TNRC6A: variants seen among roughly 807,000 people sequenced by gnomAD.
TNRC6A encodes the protein trinucleotide repeat containing adaptor 6A, also known as trinucleotide repeat-containing gene 6A protein.
A neutral mutation model predicts 221.2 loss-of-function variants in TNRC6A; 44 were observed. The observed-to-expected ratio is 0.20, with a 90% confidence interval of 0.16 to 0.26. The LOEUF (loss-of-function observed/expected upper bound fraction) is 0.26. Among genes scored for constraint, TNRC6A ranks in the 10% least tolerant of loss-of-function variants. The pLI, the probability that TNRC6A is intolerant of heterozygous loss-of-function variation, is 1.00. For synonymous variants in TNRC6A, 847 were observed against 838.5 expected, an observed-to-expected ratio of 1.01 and a Z score of -0.18; for missense variants, 2,199 against 2,404.4, an observed-to-expected ratio of 0.91 and a Z score of 1.79.
At chr16:24,744,827 C>T (rs200532) in intron 2 of TNRC6A, among the ~76,000 whole-genome samples, 102,164 of 151,850 alleles carry the variant, frequency 0.67, 34,731 homozygotes, top group Non-Finnish European at 0.72. Context: ...TATATGTACA[C>T]GTCTCCAGAA....
At chr16:24,639,245 G>A (rs1027110514) in intron 1 of TNRC6A, among the ~76,000 whole-genome samples, 16 of 152,168 alleles carry the variant, frequency 1.1e-4, no homozygotes, top group African/African-American at 3.9e-4. Flanking sequence ...AAAACTTTAG[G>A]AGGCCGAGGC....
At chr16:24,726,444 T>C (rs1485161516), upstream of TNRC6A, among the ~76,000 whole-genome samples, 1 of 151,716 alleles carries the variant, frequency 6.6e-6, no homozygotes, top group African/African-American at 2.4e-5. Context: ...AGAGATTCTC[T>C]TAAGAAGGAG....
At chr16:24,668,339 C>G (rs2055217551) in intron 2 of TNRC6A, among the ~76,000 whole-genome samples, 1 of 143,708 alleles carries the variant, frequency 7.0e-6, no homozygotes, top group Non-Finnish European at 1.5e-5. Context: ...AGCAAAACTC[C>G]ATCTCAAAAA....
chr16:24,642,366 G>A (rs141896798), intron 2 of TNRC6A, among the ~76,000 whole-genome samples: 3,133 of 152,284 alleles, frequency 0.021, 57 homozygotes, highest in Non-Finnish European at 0.035. Context: ...TGGTCAGTGG[G>A]CGGAAAGCAG....
In TNRC6A at chr16:24,805,681, T is replaced by TGCTGAACCAGCTATCCCA. The variant is rs1567505323; in HGVS notation, c.4203_4220dup (p.Leu1407_Gln1412dup). ...CTCTTTGGCCCTCAACAGGTAGCCA[T>TGCTGAACCAGCTATCCCA]GCTGAACCAGCTATCCCAGCTAAAC... On this transcript the variant is annotated inframe_insertion, in exon 15 of 25. Transcript: ENST00000395799. 4.3e-6 allele frequency: 7 copies of TGCTGAACCAGCTATCCCA among 1,614,232 alleles called. No homozygotes were observed. Among genetic ancestry groups the TGCTGAACCAGCTATCCCA allele is most frequent in the Non-Finnish European group, 5.9e-6 (7 of 1,180,026 alleles).
chr16:24,716,669 GA>G (rs113805730), intron 2 of TNRC6A, among the ~76,000 whole-genome samples: 1 of 151,586 alleles, frequency 6.6e-6, no homozygotes, highest in African/African-American at 2.4e-5. Flanking sequence ...TCTCTCAAAA[GA>G]AAAAAAAGTC....
At chr16:24,774,237 T>C (rs951676633) in intron 4 of TNRC6A, among the ~76,000 whole-genome samples, 1 of 152,354 alleles carries the variant, frequency 6.6e-6, no homozygotes, top group East Asian at 1.9e-4. Context: ...CTACGTTCAC[T>C]GTTTACTCCT....
In TNRC6A at chr16:24,823,598, C is replaced by G; in HGVS notation, c.5680C>G (p.Arg1894Gly). Residue 1894 changes from arginine to glycine, a missense_variant, in exon 25 of 25, where the codon CGG becomes GGG. Physicochemically the swap from Arg to Gly is moderately radical, Grantham distance 125. This residue lies in a region of TNRC6A where 130 missense variants were observed against 121.7 expected (regional missense o/e 1.07). Coordinates refer to ENST00000395799, the MANE Select transcript of TNRC6A (RefSeq NM_014494.4). This position sits in a 1 kb window ranked among gnomAD's most constrained non-coding sequence, Gnocchi z 4.3. ...SLDCSHSFSS[R>G]TDLNHWNGAG... Reference sequence around the variant, plus strand: ...CGACTGTTCCCACTCATTCTCCAGCCGGACCGATCTCAATCACTGGAATGG... The same window carrying G: ...CGACTGTTCCCACTCATTCTCCAGCGGGACCGATCTCAATCACTGGAATGG... The G allele has an allele frequency of 1.2e-6, 2 of 1,614,136 alleles. No homozygotes were observed. The highest frequency in any genetic ancestry group is 2.2e-5 in the East Asian group (1 of 44,872).
chr16:24,618,691 TCCC>T (rs1900508527), intron 1 of TNRC6A, among the ~76,000 whole-genome samples: 2 of 133,372 alleles, frequency 1.5e-5, no homozygotes, highest in Non-Finnish European at 3.1e-5. Context: ...CACTCTGGCA[TCCC>T]GGCTGGAGTA....
intron 2 of TNRC6A, among the ~76,000 whole-genome samples, chr16:24,710,434 G>A: frequency 6.6e-6 from 1 of 152,202 alleles, no homozygotes; most frequent in Middle Eastern, 3.4e-3. Flanking sequence ...ATAGAAAGGT[G>A]CCATCCCTAC....
intron 2 of TNRC6A, among the ~76,000 whole-genome samples, chr16:24,747,193 T>C (rs1487898892): frequency 1.3e-5 from 2 of 152,164 alleles, no homozygotes; most frequent in Non-Finnish European, 2.9e-5. Flanking sequence ...AAACATTGAG[T>C]GTGTAGGTGA....
intron 5 of TNRC6A, among the ~76,000 whole-genome samples, chr16:24,781,615 G>A (rs899780128): frequency 6.6e-6 from 1 of 152,106 alleles, no homozygotes; most frequent in Non-Finnish European, 1.5e-5. Flanking sequence ...GAAGTCTTCA[G>A]CTGATGTTGG....
intron 1 of TNRC6A, among the ~76,000 whole-genome samples, chr16:24,612,583 C>T (rs1427141223): frequency 1.4e-5 from 2 of 142,042 alleles, no homozygotes; most frequent in African/African-American, 2.7e-5. Context: ...CTCATCTCTA[C>T]AAAAAATACA....
At chr16:24,822,533 C>G (rs1403085548) in intron 23 of TNRC6A, among the ~76,000 whole-genome samples, 2 of 152,196 alleles carry the variant, frequency 1.3e-5, no homozygotes, top group African/African-American at 4.8e-5. Flanking sequence ...GCGCCCTCCT[C>G]TGGAGGCTGG....
rs149126047 is a variant in TNRC6A, at chr16:24,658,622, T to G, written n.402+17613T>G. ...AGTGATCTACCTCGGCCTCCCAAAG[T>G]GCTGGGATTACAGGTATGAGCCACA... On this transcript the variant is annotated intron_variant and non_coding_transcript_variant, in intron 2 of 2. Coordinates refer to the TNRC6A transcript ENST00000566108. 3.3e-3 allele frequency among the ~76,000 whole-genome samples: 506 copies of G among 152,000 alleles called. 1 individual carries two copies. Among genetic ancestry groups the G allele is most frequent in the African/African-American group, 0.011 (472 of 41,482 alleles).
intron 2 of TNRC6A, among the ~76,000 whole-genome samples, chr16:24,689,639 A>C (rs908692657): frequency 2.6e-5 from 4 of 152,182 alleles, no homozygotes; most frequent in Non-Finnish European, 5.9e-5. Flanking sequence ...TAGAGCAATG[A>C]ACAAGGCAGA....
intron 1 of TNRC6A, among the ~76,000 whole-genome samples, chr16:24,619,099 T>C (rs2141584569): frequency 6.6e-6 from 1 of 152,352 alleles, no homozygotes; most frequent in Non-Finnish European, 1.5e-5. Flanking sequence ...TACTTTTTCT[T>C]CAAAGAGAAT....
At position 24,787,499 on chromosome 16, in the gene TNRC6A, G is replaced by A. The variant is rs72770404; in HGVS notation, c.590-1733G>A. On this transcript the variant is annotated intron_variant, in intron 5 of 24. Coordinates refer to ENST00000395799, the MANE Select transcript of TNRC6A (RefSeq NM_014494.4). The stretch of plus-strand genomic sequence containing the variant: ...TAGTACTGAATGCCAAACATTTGTT[G>A]ATGGTGCTGGTGCAGATGTTAGTGT... Among the ~76,000 whole-genome samples, 1,518 of 152,338 alleles carry A rather than the reference G, an allele frequency of 1.0e-2. 12 individuals are homozygous for A. The highest frequency in any genetic ancestry group is 0.041 in the Middle Eastern group (12 of 292).
At chr16:24,727,722 G>A (rs1254297291), upstream of TNRC6A, among the ~76,000 whole-genome samples, 1 of 152,162 alleles carries the variant, frequency 6.6e-6, no homozygotes, top group African/African-American at 2.4e-5. Flanking sequence ...TGGTATGAAA[G>A]CATATTGTGC....
Sources: gnomAD v4.1 joint callset for allele counts (sites outside exome capture counted in the v4.1 genomes callset) on GRCh38, gnomAD v4.1.1 for gene constraint, gnomAD v4.1.1 regional missense constraint, Gnocchi (gnomAD v3.1) non-coding constraint, MANE v1.5 for transcripts, NCBI Gene and HGNC (gene_info 2026-07-23, HGNC 2026-07-21) for gene names.